Variants in DLC1 observed in about 807,000 individuals in gnomAD.
The protein encoded by DLC1 is DLC1 Rho GTPase activating protein.
DLC1 carries 54 observed loss-of-function variants against 140.3 expected under a neutral mutation model. That is an observed-to-expected ratio of 0.38 (90% CI 0.31 to 0.48). DLC1 has a LOEUF of 0.48. Among genes scored for constraint, DLC1 ranks in the 20% least tolerant of loss-of-function variants. The probability of loss-of-function intolerance (pLI) is 0.96; values close to 1 mark genes in which losing one functional copy is unlikely to be tolerated. For missense variants in DLC1, 2,536 were observed against 1,907.0 expected (o/e 1.33, Z -6.14); for synonymous variants, 986 against 728.1 (o/e 1.35, Z -5.70).
chr8:13,245,564 G>A (rs1222451415), intron 5 of DLC1, among the ~76,000 whole-genome samples: 1 of 152,094 alleles, frequency 6.6e-6, no homozygotes, highest in Non-Finnish European at 1.5e-5. Context: ...CATTCTAAAT[G>A]AGCTACCTCC....
At chr8:13,104,970 A>C (rs1674195147) in intron 7 of DLC1, among the ~76,000 whole-genome samples, 1 of 152,226 alleles carries the variant, frequency 6.6e-6, no homozygotes, top group Non-Finnish European at 1.5e-5. Flanking sequence ...AATGCTTTCA[A>C]GATTTAAAGA....
At chr8:13,459,923 A>G (rs1344062457) in intron 2 of DLC1, among the ~76,000 whole-genome samples, 4 of 152,040 alleles carry the variant, frequency 2.6e-5, no homozygotes, top group Admixed American at 2.0e-4. Context: ...ATCTCGCCCA[A>G]TATCGCTTTG....
intron 5 of DLC1, among the ~76,000 whole-genome samples, chr8:13,258,121 A>G (rs1389204098): frequency 6.6e-6 from 1 of 152,234 alleles, no homozygotes; most frequent in Non-Finnish European, 1.5e-5. Context: ...TCACCCAGCA[A>G]ATCACAAGTG....
intron 1 of DLC1, chr8:13,566,714 T>G (rs759861589): frequency 3.0e-5 from 13 of 437,624 alleles, no homozygotes; most frequent in Non-Finnish European, 5.3e-5. Flanking sequence ...GAAGCAGGAG[T>G]GCAGAAGACA....
At chr8:13,360,257 A>C (rs1033355012) in intron 4 of DLC1, among the ~76,000 whole-genome samples, 1 of 152,234 alleles carries the variant, frequency 6.6e-6, no homozygotes, top group African/African-American at 2.4e-5. Context: ...TCTACACAGA[A>C]CGAACACTCA....
chr8:13,431,414 C>T (rs79422414), intron 2 of DLC1, among the ~76,000 whole-genome samples: 4 of 125,980 alleles, frequency 3.2e-5, no homozygotes, highest in Non-Finnish European at 4.7e-5. Context: ...ACCCGGGAGG[C>T]GGAGCTTGCA....
chr8:13,137,658 G>C (rs1320263741), intron 5 of DLC1, among the ~76,000 whole-genome samples: 2 of 149,972 alleles, frequency 1.3e-5, no homozygotes, highest in African/African-American at 4.9e-5. Context: ...CTGGAGTGCA[G>C]TGGTGGGTTC....
chr8:13,274,811 A>G (rs1203113561), intron 5 of DLC1, among the ~76,000 whole-genome samples: 1 of 120,688 alleles, frequency 8.3e-6, no homozygotes, highest in Non-Finnish European at 1.8e-5. Flanking sequence ...GTAAGATATT[A>G]TTTATAGAAT....
At chr8:13,385,323 C>A (rs945149765) in intron 4 of DLC1, among the ~76,000 whole-genome samples, 2 of 152,098 alleles carry the variant, frequency 1.3e-5, no homozygotes, top group Non-Finnish European at 2.9e-5. Context: ...CAATTAGAGT[C>A]AATTTCATAA....
intron 5 of DLC1, among the ~76,000 whole-genome samples, chr8:13,234,967 C>T (rs117807818): frequency 0.012 from 1,761 of 152,118 alleles, 19 homozygotes; most frequent in South Asian, 0.042. Flanking sequence ...AGAGCAAAGA[C>T]TGATTCTAGG....
At chr8:13,089,533 G>A (rs1322796653) in intron 15 of DLC1, among the ~76,000 whole-genome samples, 3 of 151,200 alleles carry the variant, frequency 2.0e-5, no homozygotes, top group Non-Finnish European at 1.5e-5. Context: ...GCTGAGGCAA[G>A]AGAATAGCTT....
At chr8:13,465,891 C>G (rs1217141849) in intron 2 of DLC1, among the ~76,000 whole-genome samples, 2 of 152,136 alleles carry the variant, frequency 1.3e-5, no homozygotes, top group Non-Finnish European at 2.9e-5. Context: ...TAGTTAGAAT[C>G]AGGACTTTGT....
chr8:13,153,046 C>T (rs1341657768), intron 5 of DLC1, among the ~76,000 whole-genome samples: 2 of 152,174 alleles, frequency 1.3e-5, no homozygotes, highest in Non-Finnish European at 2.9e-5. Context: ...TATGCTCTTC[C>T]TTAAAATTTT....
intron 5 of DLC1, among the ~76,000 whole-genome samples, chr8:13,246,290 C>G (rs557644036): frequency 6.6e-6 from 1 of 152,156 alleles, no homozygotes; most frequent in African/African-American, 2.4e-5. Context: ...TCAGAAAGCA[C>G]GTCTTTTAAA....
At chr8:13,382,323 C>G (rs941094717) in intron 4 of DLC1, among the ~76,000 whole-genome samples, 1 of 150,964 alleles carries the variant, frequency 6.6e-6, no homozygotes, top group Admixed American at 6.6e-5. Context: ...CTGGCTAACA[C>G]GTTGAAACCC....
chr8:13,400,915 C>G (rs12114570), intron 3 of DLC1, among the ~76,000 whole-genome samples: 1 of 151,918 alleles, frequency 6.6e-6, no homozygotes, highest in Non-Finnish European at 1.5e-5. Context: ...TTATGTAAAA[C>G]TGATGCATAA....
At position 13,094,870 on chromosome 8, in the gene DLC1, C is replaced by T. The variant is rs201909353; in HGVS notation, c.3415G>A (p.Glu1139Lys). The T allele has an allele frequency of 5.3e-5, 86 of 1,614,214 alleles. No homozygotes were observed. The highest frequency in any genetic ancestry group is 3.3e-4 in the Middle Eastern group (2 of 6,062). Reference sequence around the variant, plus strand: ...GCCACGTCATAAGCAGACTGTCCTTCGTAGTTGACACAGTCTATGGCACCT... The same window carrying T: ...GCCACGTCATAAGCAGACTGTCCTTTGTAGTTGACACAGTCTATGGCACCT... ...NEGAIDCVNY[E>K]GQSAYDVADM... is the part of the protein sequence containing the mutation. Residue 1139 changes from glutamate (E) to lysine (K), a missense_variant, in exon 12 of 18, where the codon GAA becomes AAA. Coordinates refer to ENST00000276297, the MANE Select transcript of DLC1 (RefSeq NM_182643.3).
chr8:13,431,723 G>T (rs866933493), intron 2 of DLC1, among the ~76,000 whole-genome samples: 5 of 151,986 alleles, frequency 3.3e-5, no homozygotes, highest in Non-Finnish European at 7.4e-5. Context: ...CGGACTGATG[G>T]GTTAGAACGG....
chr8:13,109,671 G>A (rs1237100286), intron 7 of DLC1, among the ~76,000 whole-genome samples: 1 of 149,774 alleles, frequency 6.7e-6, no homozygotes, highest in Non-Finnish European at 1.5e-5. Context: ...GATCACCTGA[G>A]GTTAGGAATT....
Sources: allele counts gnomAD v4.1 joint callset (sites outside exome capture counted in the v4.1 genomes callset), GRCh38; gene constraint gnomAD v4.1.1; transcripts MANE v1.5; gene names NCBI Gene and HGNC (gene_info 2026-07-23, HGNC 2026-07-21).